Variants in RAD50 observed in about 807,000 individuals in gnomAD.
The protein encoded by RAD50 is DNA repair protein RAD50.
RAD50 carries 132 observed loss-of-function variants against 168.8 expected under a neutral mutation model. The ratio of observed to expected loss-of-function variants is 0.78; its 90% CI spans 0.68 to 0.90. The LOEUF (loss-of-function observed/expected upper bound fraction) is 0.90, where lower values mean the gene tolerates loss of function less well. Ranked by LOEUF, RAD50 falls within the 40% of genes least tolerant of loss-of-function variation. The pLI is 0.00. For missense variants in RAD50, 1,347 were observed against 1,534.4 expected (o/e 0.88, Z 2.04); for synonymous variants, 525 against 497.4 (o/e 1.06, Z -0.74).
intron 3 of RAD50, among the ~76,000 whole-genome samples, chr5:132,577,025 A>G (rs1215450958): frequency 6.6e-6 from 1 of 152,238 alleles, no homozygotes; most frequent in Non-Finnish European, 1.5e-5. Flanking sequence ...AGTGCTATAA[A>G]CAATACAAAT....
chr5:132,613,361 T>TGGGGGG (rs1030992050), intron 19 of RAD50, among the ~76,000 whole-genome samples: 2 of 152,152 alleles, frequency 1.3e-5, no homozygotes, highest in African/African-American at 4.8e-5. Context: ...CAGGTAGAAC[T>TGGGGGG]GGACCCTACA....
chr5:132,631,542 G>A (rs1278471570), intron 21 of RAD50, among the ~76,000 whole-genome samples: 1 of 152,154 alleles, frequency 6.6e-6, no homozygotes, highest in African/African-American at 2.4e-5. Context: ...TAGCCAGATG[G>A]CTACTTGACC....
At chr5:132,561,878 A>G (rs780851377) in intron 2 of RAD50, among the ~76,000 whole-genome samples, 3 of 151,572 alleles carry the variant, frequency 2.0e-5, no homozygotes, top group Non-Finnish European at 4.4e-5. Flanking sequence ...GAATTTGTCT[A>G]CTTCATTCCA....
rs201187549 is a variant in RAD50 at position 132,587,654 on chromosome 5, G to A, written c.849G>A (p.Glu283=). ...TGGATAGCCGAAAGAAGCAAATGGA[G>A]AAAGATAATAGTGAACTGGAAGAGA... ...KALDSRKKQM[E]KDNSELEEKM... Residue 283 remains glutamate, a synonymous_variant, in exon 6 of 25, where the codon GAG becomes GAA. Transcript: ENST00000378823. The A allele has an allele frequency of 6.2e-7, 1 of 1,613,814 alleles. No homozygotes were observed. The highest frequency in any genetic ancestry group is 8.5e-7 in the Non-Finnish European group (1 of 1,179,890).
Position 132,640,749 on chromosome 5 carries a change from G to A in RAD50, c.3696G>A (p.Glu1232=), listed in dbSNP as rs749673167. The change falls in exon 24 of 25, where the codon GAG becomes GAA. Residue 1232 remains glutamate (E), a synonymous_variant. Transcript: ENST00000378823. ...ACTGTGGCATCATTGCCTTGGATGA[G>A]CCAACAACAAATCTTGACCGAGAAA... ...CLNCGIIALD[E]PTTNLDRENI... 12 of 1,614,172 alleles carry A rather than the reference G, an allele frequency of 7.4e-6. No individual in the cohort carries two copies. In the South Asian group the frequency reaches 1.2e-4, roughly 16 times the overall value.
Position 132,579,455 on chromosome 5 carries a change from A to T in RAD50, c.504A>T (p.Glu168Asp). The T allele has an allele frequency of 6.2e-7, 1 of 1,613,996 alleles. No homozygotes were observed. The highest frequency in any genetic ancestry group is 8.5e-7 in the Non-Finnish European group (1 of 1,179,906). The change falls in exon 4 of 25, where the codon GAA becomes GAT. Residue 168 changes from glutamate (E) to aspartate (D), a missense_variant. Around this residue, in one of 3 missense-constraint regions of RAD50, gnomAD observed 703 missense variants for 767.7 expected, o/e 0.92. Transcript: ENST00000378823. ...HQEDSNWPLSEGKALKQKFDE... is the reference protein window; with the variant it reads ...HQEDSNWPLSDGKALKQKFDE... Reference sequence around the variant, plus strand: ...AAGATTCTAATTGGCCTTTAAGTGAAGGAAAGGCTTTGAAGCAAAAGTTTG... The same window carrying T: ...AAGATTCTAATTGGCCTTTAAGTGATGGAAAGGCTTTGAAGCAAAAGTTTG...
chr5:132,592,043 C>T lies in RAD50; in HGVS notation c.1793+9C>T, dbSNP rs1285715994. The stretch of plus-strand genomic sequence containing the variant: ...AGACTTGCCAAATTGAAGTAAGTTG[C>T]AACATTTGGAGATGTAATAGAAATC... On this transcript the variant is annotated intron_variant, in intron 11 of 24. Coordinates refer to ENST00000378823, the MANE Select transcript of RAD50 (RefSeq NM_005732.4). 9.3e-6 allele frequency: 15 copies of T among 1,604,980 alleles called. No homozygotes were observed. Among genetic ancestry groups the T allele is most frequent in the African/African-American group, 2.7e-5 (2 of 74,648 alleles).
rs1386502661 is a variant in RAD50 at position 132,557,023 on chromosome 5, T to C, written c.-302T>C. 1.4e-6 allele frequency: 1 copy of C among 692,244 alleles called. No homozygotes were observed. Among genetic ancestry groups the C allele is most frequent in the Non-Finnish European group, 2.2e-6 (1 of 453,040 alleles). The allele number at this position is 692,244 out of a possible 1,614,324, so 42.9% of individuals were successfully genotyped here. The stretch of plus-strand genomic sequence containing the variant: ...AGGCAGGAAGCTGTGAGTGCGCGGT[T>C]GCGGGGTCGCATTGTGGCTACGGCT... On this transcript the variant is annotated 5_prime_UTR_variant, in exon 1 of 25. Coordinates refer to ENST00000378823, the MANE Select transcript of RAD50 (RefSeq NM_005732.4).
At chr5:132,577,143 A>G (rs552671711) in intron 3 of RAD50, among the ~76,000 whole-genome samples, 5 of 152,268 alleles carry the variant, frequency 3.3e-5, no homozygotes, top group Middle Eastern at 3.4e-3. Context: ...AAGGGAGAAT[A>G]TGTTTCCTTG....
At chr5:132,590,020 C>T (rs1750670721) in intron 9 of RAD50, among the ~76,000 whole-genome samples, 183 bp downstream of exon 9, 2 of 152,204 alleles carry the variant, frequency 1.3e-5, no homozygotes, top group Non-Finnish European at 1.5e-5. Flanking sequence ...AACCCGATAG[C>T]CTGAAAATTA....
At position 132,592,752 on chromosome 5, in the gene RAD50, C is replaced by G. The variant is rs554421329; in HGVS notation, c.1793+718C>G. ...CTTGTTAGCCATTGCTTTCATTGTG[C>G]TTTGTCTTCAGGATTGTACTGGTAA... On this transcript the variant is annotated intron_variant, in intron 11 of 24. Transcript: ENST00000378823. 6 of 450,604 alleles carry G rather than the reference C, an allele frequency of 1.3e-5. No homozygotes were observed. The Admixed American group carries it at 1.4e-4, about 11-fold the overall frequency. 27.9% of individuals were successfully genotyped at this position (450,604 alleles called of 1,614,324 possible).
intron 16 of RAD50, among the ~76,000 whole-genome samples, chr5:132,606,883 A>G (rs1750994953): frequency 6.6e-6 from 1 of 152,218 alleles, no homozygotes; most frequent in Non-Finnish European, 1.5e-5. Flanking sequence ...TGATTATCCC[A>G]ATAGATGGAG....
At chr5:132,573,452 C>T (rs905590383) in intron 2 of RAD50, among the ~76,000 whole-genome samples, 3 of 152,052 alleles carry the variant, frequency 2.0e-5, no homozygotes, top group Admixed American at 6.5e-5. Context: ...GACCTGCCCC[C>T]GTGATTCAAT....
chr5:132,630,821 C>G (rs1239410706), intron 21 of RAD50: 2 of 152,222 alleles, frequency 1.3e-5, no homozygotes, highest in African/African-American at 4.8e-5. Context: ...AGTAAAGCCT[C>G]TTCCTCATCC....
rs863224410 is a variant in RAD50 at position 132,608,716 on chromosome 5, A to G, written c.2820A>G (p.Ala940=). ...AAAAAAATACAAGCAACAAAATAGC[A>G]CAGGATAAAGTAAGATTTCATTTAT... ...INKKNTSNKI[A]QDKLNDIKEK... is the part of the protein sequence containing the mutation. The change falls in exon 17 of 25, where the codon GCA becomes GCG. Residue 940 remains alanine, a synonymous_variant. Coordinates refer to ENST00000378823, the MANE Select transcript of RAD50 (RefSeq NM_005732.4). The G allele has an allele frequency of 5.1e-6, 8 of 1,583,262 alleles. No homozygotes were observed. The highest frequency in any genetic ancestry group is 6.9e-6 in the Non-Finnish European group (8 of 1,164,806).
chr5:132,637,079 T>TTA (rs747497279), intron 21 of RAD50, 36 bp from the exon 22 acceptor site: 1 of 1,514,118 alleles, frequency 6.6e-7, no homozygotes, highest in Admixed American at 1.8e-5. Flanking sequence ...TAATTATTTT[T>TTA]TATATATATG....
At chr5:132,576,929 G>T (rs1255103041) in intron 3 of RAD50, among the ~76,000 whole-genome samples, 1 of 152,188 alleles carries the variant, frequency 6.6e-6, no homozygotes, top group African/African-American at 2.4e-5. Flanking sequence ...TGTTGTCAAG[G>T]TTGAGCTAAT....
intron 13 of RAD50, among the ~76,000 whole-genome samples, chr5:132,599,050 T>A (rs565591297): frequency 6.6e-6 from 1 of 152,328 alleles, no homozygotes; most frequent in Admixed American, 6.5e-5. Context: ...TTCTATATTG[T>A]AACTTTGATA....
chr5:132,589,599 T>A, intron 8 of RAD50, 32 bp from the exon 9 acceptor site: 1 of 1,481,518 alleles, frequency 6.7e-7, no homozygotes, highest in Admixed American at 2.1e-5. Context: ...TTTAGTAAAT[T>A]ATTAATGCTC....
Sources: gnomAD v4.1 joint callset for allele counts (sites outside exome capture counted in the v4.1 genomes callset) on GRCh38, gnomAD v4.1.1 for gene constraint, gnomAD v4.1.1 regional missense constraint, MANE v1.5 for transcripts, NCBI Gene and HGNC (gene_info 2026-07-23, HGNC 2026-07-21) for gene names.